Variants in CSMD3 observed in about 807,000 individuals in gnomAD.
CSMD3 encodes the protein CUB and Sushi multiple domains 3.
A neutral mutation model predicts 435.2 loss-of-function variants in CSMD3; 177 were observed. The observed-to-expected ratio is 0.41, with a 90% CI of 0.36 to 0.46. CSMD3 has a LOEUF of 0.46. Ranked by LOEUF, CSMD3 falls within the 20% of genes least tolerant of loss-of-function variation. CSMD3 has a pLI of 0.34. For missense variants in CSMD3, 4,265 were observed against 4,504.6 expected (o/e 0.95, Z 1.52); for synonymous variants, 1,656 against 1,520.5 (o/e 1.09, Z -2.07).
At chr8:113,100,201 T>A (rs1278020469) in intron 4 of CSMD3, among the ~76,000 whole-genome samples, 3 of 152,284 alleles carry the variant, frequency 2.0e-5, no homozygotes, top group Middle Eastern at 3.4e-3. Flanking sequence ...CGTCTTAAAA[T>A]ATATTTAACT....
At chr8:113,037,073 T>G (rs1395067177) in intron 5 of CSMD3, among the ~76,000 whole-genome samples, 1 of 152,118 alleles carries the variant, frequency 6.6e-6, no homozygotes, top group African/African-American at 2.4e-5. Context: ...AGTAGAAATT[T>G]TTCATGGTAT....
In CSMD3 at chr8:113,186,751, G is replaced by A. The variant is rs180951232; in HGVS notation, c.515-12835C>T. Among the ~76,000 whole-genome samples, 5 of 152,100 alleles carry A rather than the reference G, an allele frequency of 3.3e-5. No individual in the cohort carries two copies. The East Asian group carries it at 9.8e-4, about 30-fold the overall frequency. On this transcript the variant is annotated intron_variant, in intron 3 of 70. Coordinates refer to ENST00000297405, the MANE Select transcript of CSMD3 (RefSeq NM_198123.2). ...TGTCAAGATCATTTTACACCCTGTGGTCACATGGATAGCTTTATTTAACGT... is the reference window on the plus strand; with the variant it reads ...TGTCAAGATCATTTTACACCCTGTGATCACATGGATAGCTTTATTTAACGT...
chr8:112,667,269 C>T (rs955830073), intron 16 of CSMD3, among the ~76,000 whole-genome samples: 2 of 152,114 alleles, frequency 1.3e-5, no homozygotes, highest in Admixed American at 1.3e-4. Context: ...TACTGACCCT[C>T]TTCCATTATT....
At chr8:112,299,507 A>G (rs1225944892) in intron 53 of CSMD3, among the ~76,000 whole-genome samples, 4 of 152,156 alleles carry the variant, frequency 2.6e-5, no homozygotes, top group Non-Finnish European at 5.9e-5. Flanking sequence ...GCCTGGAAAC[A>G]TGGATAGATA....
At chr8:112,231,237 C>A (rs1813053778) in intron 69 of CSMD3, among the ~76,000 whole-genome samples, 1 of 152,146 alleles carries the variant, frequency 6.6e-6, no homozygotes, top group South Asian at 2.1e-4. Context: ...AACTAATTTA[C>A]AGTTTAATAT....
At chr8:113,015,441 G>A (rs556462869) in intron 6 of CSMD3, among the ~76,000 whole-genome samples, 4 of 151,824 alleles carry the variant, frequency 2.6e-5, no homozygotes, top group African/African-American at 9.7e-5. Context: ...AAAAATTTTG[G>A]AAGAAAATAT....
chr8:113,037,966 G>A (rs1195067504), intron 5 of CSMD3, among the ~76,000 whole-genome samples: 1 of 152,080 alleles, frequency 6.6e-6, no homozygotes, highest in Non-Finnish European at 1.5e-5. Context: ...ATTTCCATTT[G>A]GAAAATAATG....
chr8:113,380,349 A>G (rs1210790349), intron 1 of CSMD3, among the ~76,000 whole-genome samples: 1 of 152,198 alleles, frequency 6.6e-6, no homozygotes, highest in Non-Finnish European at 1.5e-5. Flanking sequence ...GGTATGAATA[A>G]AACAATAGTC....
intron 1 of CSMD3, among the ~76,000 whole-genome samples, chr8:113,332,481 T>C (rs985209923): frequency 1.4e-5 from 2 of 139,328 alleles, no homozygotes; most frequent in African/African-American, 4.9e-5. Context: ...TATTTTTATA[T>C]TTTAGCAATG....
At chr8:112,651,092 C>T (rs2131636926) in intron 18 of CSMD3, among the ~76,000 whole-genome samples, 1 of 152,260 alleles carries the variant, frequency 6.6e-6, no homozygotes, top group South Asian at 2.1e-4. Context: ...ACAAATATCT[C>T]CAAATACTGC....
intron 1 of CSMD3, among the ~76,000 whole-genome samples, chr8:113,331,900 T>C (rs1376714873): frequency 6.6e-6 from 1 of 151,738 alleles, no homozygotes; most frequent in African/African-American, 2.4e-5. Context: ...GCCACTTGTA[T>C]TTAACCTTAT....
intron 5 of CSMD3, among the ~76,000 whole-genome samples, chr8:113,081,823 C>T (rs7817318): frequency 6.6e-6 from 1 of 151,758 alleles, no homozygotes; most frequent in Non-Finnish European, 1.5e-5. Flanking sequence ...TACCCCTATA[C>T]CTCTAGGAAA....
At chr8:113,197,414 G>A (rs980105925) in intron 3 of CSMD3, among the ~76,000 whole-genome samples, 1 of 150,968 alleles carries the variant, frequency 6.6e-6, no homozygotes, top group African/African-American at 2.4e-5. Context: ...AAACAGTTCT[G>A]TACTAGACAG....
intron 1 of CSMD3, among the ~76,000 whole-genome samples, chr8:113,397,915 GT>G (rs1167945133): frequency 6.6e-6 from 1 of 151,924 alleles, no homozygotes; most frequent in Non-Finnish European, 1.5e-5. Context: ...CAAACAGCAG[GT>G]TTTGCTTGAA....
chr8:112,745,427 A>G (rs2077404625), intron 13 of CSMD3, among the ~76,000 whole-genome samples: 1 of 152,146 alleles, frequency 6.6e-6, no homozygotes, highest in Admixed American at 6.5e-5. Context: ...ATGTAAAAAA[A>G]TAAGTAAATG....
intron 7 of CSMD3, among the ~76,000 whole-genome samples, chr8:112,955,019 C>T (rs2083963831): frequency 6.6e-6 from 1 of 151,392 alleles, no homozygotes. Flanking sequence ...CTTTTTTAAA[C>T]TGTCCAGATT....
chr8:113,369,742 C>T (rs2094335273), intron 1 of CSMD3, among the ~76,000 whole-genome samples: 1 of 151,768 alleles, frequency 6.6e-6, no homozygotes, highest in Admixed American at 6.6e-5. Flanking sequence ...AGAATGAAAT[C>T]CTATCATTTA....
chr8:112,662,731 C>T (rs2075417379), intron 17 of CSMD3, among the ~76,000 whole-genome samples: 1 of 152,120 alleles, frequency 6.6e-6, no homozygotes, highest in Non-Finnish European at 1.5e-5. Flanking sequence ...TCAGAGTGAA[C>T]AGGCAACCTA....
At chr8:112,432,414 C>T (rs1813819864) in intron 32 of CSMD3, among the ~76,000 whole-genome samples, 1 of 152,116 alleles carries the variant, frequency 6.6e-6, no homozygotes, top group Non-Finnish European at 1.5e-5. Context: ...CGTGATTCTC[C>T]TGCCTCAGCC....
Sources: allele counts gnomAD v4.1 joint callset (sites outside exome capture counted in the v4.1 genomes callset), GRCh38; gene constraint gnomAD v4.1.1; transcripts MANE v1.5; gene names NCBI Gene and HGNC (gene_info 2026-07-23, HGNC 2026-07-21).